The following RANBP2 variants were observed in gnomAD, a reference collection of about 807,000 sequenced individuals.
RANBP2 encodes E3 SUMO-protein ligase RanBP2.
In RANBP2, 57 loss-of-function variants were observed where a neutral mutation model predicts 303.6. The observed-to-expected ratio is 0.19, with a 90% CI of 0.15 to 0.23. RANBP2 has a LOEUF of 0.23. Ranked by LOEUF, RANBP2 falls within the 10% of genes least tolerant of loss-of-function variation. RANBP2 has a pLI of 1.00. For synonymous variants in RANBP2, 1,167 were observed against 1,301.5 expected (o/e 0.90, Z 2.23); for missense variants, 3,138 against 3,780.8 (o/e 0.83, Z 4.46).
chr2:109,779,320 AC>A, the RANBP2 span, among the ~76,000 whole-genome samples: 1 of 76,946 alleles, frequency 1.3e-5, no homozygotes, highest in Non-Finnish European at 2.7e-5. Context: ...AGTCATAGAA[AC>A]CCACGAGTCA....
At chr2:109,162,679 A>G in the RANBP2 span, among the ~76,000 whole-genome samples, 2 of 152,232 alleles carry the variant, frequency 1.3e-5, no homozygotes, top group Non-Finnish European at 2.9e-5. Context: ...TAGTGCCACA[A>G]TAAACATACG....
chr2:109,492,780 C>A, the RANBP2 span, among the ~76,000 whole-genome samples: 5 of 152,074 alleles, frequency 3.3e-5, no homozygotes, highest in African/African-American at 1.2e-4. Context: ...TCAGCAGCAC[C>A]CCCAGTCCTG....
chr2:108,894,505 A>G, the RANBP2 span: 1 of 152,618 alleles, frequency 6.6e-6, no homozygotes, highest in East Asian at 1.9e-4. Context: ...TATAAAATAT[A>G]ATAAGTTATA....
the RANBP2 span, among the ~76,000 whole-genome samples, chr2:109,433,946 C>T: frequency 6.6e-6 from 1 of 152,236 alleles, no homozygotes; most frequent in Non-Finnish European, 1.5e-5. Context: ...CTGCCCACAG[C>T]CTCCTGCGGC....
At chr2:108,770,514 G>T (rs919345493) in intron 20 of RANBP2, among the ~76,000 whole-genome samples, 1 of 152,178 alleles carries the variant, frequency 6.6e-6, no homozygotes, top group African/African-American at 2.4e-5. Context: ...CCAGTTACTT[G>T]GGAGGCTGAG....
At chr2:109,428,463 G>C in the RANBP2 span, among the ~76,000 whole-genome samples, 1 of 152,208 alleles carries the variant, frequency 6.6e-6, no homozygotes, top group Admixed American at 6.5e-5. Flanking sequence ...AGCCGAGTCG[G>C]CCCAGCCGCC....
chr2:109,145,128 G>A, the RANBP2 span, among the ~76,000 whole-genome samples: 21 of 152,172 alleles, frequency 1.4e-4, no homozygotes, highest in Non-Finnish European at 2.6e-4. Context: ...CTCTGTCTGT[G>A]TCTCCAGGTT....
intron 26 of RANBP2, 99 bp downstream of exon 26, chr2:108,781,528 A>G (rs557680096): frequency 8.7e-7 from 1 of 1,151,510 alleles, no homozygotes; most frequent in Admixed American, 2.1e-5. Flanking sequence ...TGCATTTAAG[A>G]ATGTTTACTG....
rs757684532 is a variant in RANBP2 at position 108,777,265 on chromosome 2, G to T, written c.8599+34G>T. On this transcript the variant is annotated intron_variant, in intron 25 of 28. Coordinates refer to ENST00000283195, the MANE Select transcript of RANBP2 (RefSeq NM_006267.5). The stretch of plus-strand genomic sequence containing the variant: ...AAGAGGAGAGACTTTTAATGACATT[G>T]TTACAGAATCAAGCACAACTGAAAA... The T allele has an allele frequency of 3.8e-5, 59 of 1,549,076 alleles. No individual in the cohort carries two copies. The East Asian group carries it at 1.3e-3, about 35-fold the overall frequency.
chr2:108,846,994 C>T, the RANBP2 span: 12 of 881,418 alleles, frequency 1.4e-5, no homozygotes, highest in Non-Finnish European at 2.2e-5. Context: ...TATATTAAAG[C>T]AATTCTTTTA....
At chr2:109,053,320 T>G in the RANBP2 span, among the ~76,000 whole-genome samples, 1 of 152,240 alleles carries the variant, frequency 6.6e-6, no homozygotes, top group Non-Finnish European at 1.5e-5. Flanking sequence ...GCATGCAGGA[T>G]GGTTCTCCCT....
chr2:109,284,053 T>C, the RANBP2 span, among the ~76,000 whole-genome samples: 1 of 152,140 alleles, frequency 6.6e-6, no homozygotes, highest in African/African-American at 2.4e-5. Context: ...CCTTCTCACT[T>C]GCTGTCACCT....
the RANBP2 span, among the ~76,000 whole-genome samples, chr2:109,147,545 A>G: frequency 4.6e-5 from 7 of 152,228 alleles, no homozygotes; most frequent in African/African-American, 1.4e-4. Flanking sequence ...AATGCTAAAC[A>G]TAGTACCGTA....
At chr2:109,291,465 G>A in the RANBP2 span, among the ~76,000 whole-genome samples, 1 of 152,186 alleles carries the variant, frequency 6.6e-6, no homozygotes, top group Non-Finnish European at 1.5e-5. Flanking sequence ...GTAGGGCCAG[G>A]AGGACCGGGC....
the RANBP2 span, among the ~76,000 whole-genome samples, chr2:109,167,218 C>A: frequency 6.6e-6 from 1 of 152,044 alleles, no homozygotes; most frequent in Non-Finnish European, 1.5e-5. Context: ...AGGATGATGG[C>A]GGAGAAAAGT....
the RANBP2 span, among the ~76,000 whole-genome samples, chr2:109,576,376 G>A: frequency 2.6e-5 from 4 of 151,996 alleles, no homozygotes; most frequent in Non-Finnish European, 4.4e-5. Context: ...TGGGATGACA[G>A]GCGTGAGCCA....
At chr2:109,042,944 A>G in the RANBP2 span, among the ~76,000 whole-genome samples, 1 of 152,260 alleles carries the variant, frequency 6.6e-6, no homozygotes, top group East Asian at 1.9e-4. Flanking sequence ...CAAGTGCTTG[A>G]GACACAAAGA....
At chr2:109,681,876 C>G in the RANBP2 span, among the ~76,000 whole-genome samples, 2 of 152,262 alleles carry the variant, frequency 1.3e-5, no homozygotes, top group Non-Finnish European at 2.9e-5. Context: ...CCCTGTGGGA[C>G]TGATCTACTG....
the RANBP2 span, chr2:108,930,983 G>T: frequency 6.2e-7 from 1 of 1,613,996 alleles, no homozygotes; most frequent in South Asian, 1.1e-5. Context: ...GGGGAGCCAG[G>T]GCGTCTGCGT....
Sources: allele counts gnomAD v4.1 joint callset (sites outside exome capture counted in the v4.1 genomes callset), GRCh38; gene constraint gnomAD v4.1.1; transcripts MANE v1.5; gene names NCBI Gene and HGNC (gene_info 2026-07-23, HGNC 2026-07-21).